Variants in SEC14L5 observed in about 807,000 individuals in gnomAD.
The protein encoded by SEC14L5 is SEC14-like protein 5.
A neutral mutation model predicts 84.6 loss-of-function variants in SEC14L5; 96 were observed. The ratio of observed to expected loss-of-function variants is 1.13; its 90% CI spans 0.96 to 1.34. SEC14L5 has a LOEUF of 1.34. Among genes scored for constraint, SEC14L5 ranks in the 40% most tolerant of loss-of-function variants. SEC14L5 has a pLI of 0.00. For missense variants in SEC14L5, 1,224 were observed against 942.5 expected, an observed-to-expected ratio of 1.30 and a Z score of -3.91; for synonymous variants, 546 against 383.4, an observed-to-expected ratio of 1.42 and a Z score of -4.95.
At chr16:4,984,807 T>A (rs1320692484) in intron 2 of SEC14L5, among the ~76,000 whole-genome samples, 1 of 152,242 alleles carries the variant, frequency 6.6e-6, no homozygotes, top group African/African-American at 2.4e-5. Context: ...TTGAACATAG[T>A]TTCATTTGCT....
Position 5,000,740 on chromosome 16 carries a change from G to T in SEC14L5, c.1056G>T (p.Arg352=), listed in dbSNP as rs1392068071. ...CCGTGGGGGAGGAGGCGCTGCTGCG[G>T]CATGTGAGTCAGGGGCCTCGTTCCT... The part of the protein sequence containing the change: ...MKAVGEEALL[R]HVLSVNEEGQ... The change falls in exon 9 of 16, where the codon CGG becomes CGT. Residue 352 remains arginine (R), a synonymous_variant. Transcript: ENST00000251170. The T allele has an allele frequency of 1.3e-6, 2 of 1,553,074 alleles. No individual in the cohort carries two copies. Among genetic ancestry groups the T allele is most frequent in the Non-Finnish European group, 1.7e-6 (2 of 1,148,100 alleles).
intron 2 of SEC14L5, among the ~76,000 whole-genome samples, chr16:4,967,610 T>G: frequency 7.8e-6 from 1 of 127,986 alleles, no homozygotes; most frequent in African/African-American, 3.0e-5. Context: ...TGTTGCTCTG[T>G]CGCCCAGACT....
rs1432580861 is a variant in SEC14L5, at chr16:5,010,908, T to C, written c.1801-187T>C. 4 of 598,752 alleles carry C rather than the reference T, an allele frequency of 6.7e-6. No homozygotes were observed. The East Asian group carries it at 8.3e-5, about 12-fold the overall frequency. The allele number at this position is 598,752 out of a possible 1,614,324, so 37.1% of individuals were successfully genotyped here. ...GAGGGAGGCTCTGGTCCCAGGGATATGGGGATAATAGCAAGGATGGCTTCC... is the reference window on the plus strand; with the variant it reads ...GAGGGAGGCTCTGGTCCCAGGGATACGGGGATAATAGCAAGGATGGCTTCC... On this transcript the variant is annotated intron_variant, in intron 14 of 15. Transcript: ENST00000251170.
chr16:4,998,752 A>T lies in SEC14L5; in HGVS notation c.970+1708A>T, dbSNP rs867332149. Among the ~76,000 whole-genome samples, 57 of 92,232 alleles carry T rather than the reference A, an allele frequency of 6.2e-4. No homozygotes were observed. The East Asian group carries it at 0.012, about 20-fold the overall frequency. The allele number at this position is 92,232 out of a possible 152,430, so 60.5% of individuals were successfully genotyped here. A position where few individuals can be genotyped will look rare whatever the true frequency, so the allele number is the denominator to read the frequency against. Reference sequence around the variant, plus strand: ...GACTCCGTCTCAAAAAAAAAAAAAAAAAAAAAAAAAAAAATAAACGTTCAT... The same window carrying T: ...GACTCCGTCTCAAAAAAAAAAAAAATAAAAAAAAAAAAAATAAACGTTCAT... On this transcript the variant is annotated intron_variant, in intron 8 of 15. Transcript: ENST00000251170.
chr16:4,986,590 G>T (rs1219788333), intron 2 of SEC14L5, among the ~76,000 whole-genome samples: 7 of 152,174 alleles, frequency 4.6e-5, no homozygotes, highest in Non-Finnish European at 1.0e-4. Flanking sequence ...ACTGGGATGT[G>T]GATATTGTGT....
chr16:5,010,377 A>C (rs1445961701), intron 14 of SEC14L5, among the ~76,000 whole-genome samples: 1 of 150,990 alleles, frequency 6.6e-6, no homozygotes, highest in East Asian at 2.1e-4. Context: ...AAAAAAAAAC[A>C]AAACTGTAGT....
chr16:4,959,317 C>A lies in SEC14L5; in HGVS notation c.-7C>A, dbSNP rs374740972. 2.3e-4 allele frequency: 374 copies of A among 1,612,212 alleles called. No individual in the cohort carries two copies. Among genetic ancestry groups the A allele is most frequent in the Admixed American group, 3.3e-4 (20 of 59,994 alleles). ...CTGGTGACCTCCATTGGTGCTCCAG[C>A]GTGAACATGGTGCAAAGATACCAGT... On this transcript the variant is annotated 5_prime_UTR_variant, in exon 2 of 16. Coordinates refer to ENST00000251170, the MANE Select transcript of SEC14L5 (RefSeq NM_014692.2).
chr16:4,981,956 C>T (rs771473349), intron 2 of SEC14L5, among the ~76,000 whole-genome samples: 15 of 152,186 alleles, frequency 9.9e-5, no homozygotes, highest in Non-Finnish European at 5.9e-5. Flanking sequence ...CTGAGATCTA[C>T]AGGGCAGACA....
chr16:5,005,145 T>TA (rs1955716486), intron 11 of SEC14L5, among the ~76,000 whole-genome samples: 1 of 151,952 alleles, frequency 6.6e-6, no homozygotes, highest in East Asian at 1.9e-4. Context: ...AATACAAAAG[T>TA]ACAAAATTAA....
At chr16:5,010,756 C>T (rs1398971753) in intron 14 of SEC14L5, among the ~76,000 whole-genome samples, 3 of 152,198 alleles carry the variant, frequency 2.0e-5, no homozygotes, top group Non-Finnish European at 4.4e-5. Context: ...AAATCCCTTT[C>T]CTAATCCCCT....
chr16:4,961,118 G>A (rs2939952), intron 2 of SEC14L5, among the ~76,000 whole-genome samples: 128,077 of 151,922 alleles, frequency 0.84, 54,084 homozygotes, highest in East Asian at 1. Context: ...AAAAATACAA[G>A]AAAAATTAGC....
In SEC14L5 at chr16:4,987,508, G is replaced by GGGGGGC. The variant is rs1955502767; in HGVS notation, c.64-49_64-48insGGGGGC. The GGGGGGC allele has an allele frequency of 2.1e-6, 3 of 1,444,968 alleles. No homozygotes were observed. In the African/African-American group the frequency reaches 4.5e-5, roughly 22 times the overall value. The allele number at this position is 1,444,968 out of a possible 1,614,324, so 89.5% of individuals were successfully genotyped here. ...TAAGGAGGTCGCGCTGGGGGGGGGG[G>GGGGGGC]TCCCTCTGCCCCCCCCACCACGGCC... On this transcript the variant is annotated intron_variant, in intron 2 of 15. Transcript: ENST00000251170.
chr16:4,992,737 GA>G (rs1398401995), intron 6 of SEC14L5, among the ~76,000 whole-genome samples: 21 of 152,200 alleles, frequency 1.4e-4, no homozygotes, highest in African/African-American at 4.6e-4. Context: ...CTGTAAGGAA[GA>G]TGTAAGAAGT....
chr16:5,015,972 C>T lies in SEC14L5; in HGVS notation c.*1002C>T, dbSNP rs1442368896. 1 of 152,216 alleles carries T rather than the reference C, an allele frequency of 6.6e-6. No homozygotes were observed. Among genetic ancestry groups the T allele is most frequent in the African/African-American group, 2.4e-5 (1 of 41,444 alleles). 9.4% of individuals were successfully genotyped at this position (152,216 alleles called of 1,614,324 possible). On this transcript the variant is annotated 3_prime_UTR_variant, in exon 16 of 16. Coordinates refer to ENST00000251170, the MANE Select transcript of SEC14L5 (RefSeq NM_014692.2). The stretch of plus-strand genomic sequence containing the variant: ...ACCCCACTGGAGATGCCTTTCTCTC[C>T]TAGGGAACTGTTTAATTATGACTGT...
At chr16:4,997,686 T>C (rs1955626848) in intron 8 of SEC14L5, among the ~76,000 whole-genome samples, 1 of 152,174 alleles carries the variant, frequency 6.6e-6, no homozygotes, top group East Asian at 1.9e-4. Context: ...AGTAGAAATG[T>C]GTTCTTTCAC....
intron 8 of SEC14L5, among the ~76,000 whole-genome samples, chr16:4,998,090 C>T (rs964250790): frequency 1.6e-4 from 24 of 150,848 alleles, no homozygotes; most frequent in Admixed American, 1.3e-3. Context: ...TGCAACTCCG[C>T]CCCCCGCCAG....
At chr16:4,970,897 C>T (rs1402415934) in intron 2 of SEC14L5, among the ~76,000 whole-genome samples, 2 of 152,142 alleles carry the variant, frequency 1.3e-5, no homozygotes, top group African/African-American at 4.8e-5. Context: ...ATCACGAGGT[C>T]AGGACTTTGA....
chr16:4,993,960 G>A (rs1357758094), intron 6 of SEC14L5, among the ~76,000 whole-genome samples: 1 of 94,958 alleles, frequency 1.1e-5, no homozygotes, highest in African/African-American at 4.2e-5. Context: ...TTTAGTGACT[G>A]TTTTCCTTTT....
chr16:4,982,588 C>T lies in SEC14L5; in HGVS notation c.64-4969C>T, dbSNP rs540978143. Among the ~76,000 whole-genome samples, 10 of 152,270 alleles carry T rather than the reference C, an allele frequency of 6.6e-5. No individual in the cohort carries two copies. The South Asian group carries it at 8.3e-4, about 13-fold the overall frequency. ...GCCTGGGGCTGACCTGAATTGGCTCCGAGGACAGTGAGGGGCCCTTCCCTG... is the reference window on the plus strand; with the variant it reads ...GCCTGGGGCTGACCTGAATTGGCTCTGAGGACAGTGAGGGGCCCTTCCCTG... On this transcript the variant is annotated intron_variant, in intron 2 of 15. Coordinates refer to ENST00000251170, the MANE Select transcript of SEC14L5 (RefSeq NM_014692.2).
Sources: allele counts gnomAD v4.1 joint callset (sites outside exome capture counted in the v4.1 genomes callset), GRCh38; gene constraint gnomAD v4.1.1; transcripts MANE v1.5; gene names NCBI Gene and HGNC (gene_info 2026-07-23, HGNC 2026-07-21).